The following CFAP52 variants were observed in gnomAD, a reference collection of about 807,000 sequenced individuals.
CFAP52 encodes the protein cilia- and flagella-associated protein 52.
A neutral mutation model predicts 70.5 loss-of-function variants in CFAP52; 57 were observed. The observed-to-expected ratio is 0.81, with a 90% CI of 0.65 to 1.01. The LOEUF (loss-of-function observed/expected upper bound fraction) is 1.01. Ranked by LOEUF, CFAP52 falls within the 50% of genes least tolerant of loss-of-function variation. The pLI is 0.00. For missense variants in CFAP52, 785 were observed against 788.5 expected (o/e 1.00, Z 0.05); for synonymous variants, 267 against 292.5 (o/e 0.91, Z 0.89).
chr17:9,616,286 C>A (rs2151943965), intron 8 of CFAP52, among the ~76,000 whole-genome samples: 1 of 139,692 alleles, frequency 7.2e-6, no homozygotes, highest in African/African-American at 2.8e-5. Context: ...TTGCGCTTTT[C>A]AGACCGGCTT....
At chr17:9,583,248 C>T (rs1218569697) in intron 1 of CFAP52, among the ~76,000 whole-genome samples, 2 of 151,858 alleles carry the variant, frequency 1.3e-5, no homozygotes, top group Non-Finnish European at 2.9e-5. Flanking sequence ...TAAGAACATA[C>T]TGCATAAAAA....
chr17:9,626,189 C>A (rs914528727), intron 8 of CFAP52, among the ~76,000 whole-genome samples: 2 of 152,136 alleles, frequency 1.3e-5, no homozygotes, highest in African/African-American at 4.8e-5. Flanking sequence ...GGCTTGACTG[C>A]CAAGGAAGTG....
chr17:9,638,046 G>T (rs749684645), intron 11 of CFAP52, among the ~76,000 whole-genome samples: 11 of 152,188 alleles, frequency 7.2e-5, no homozygotes, highest in South Asian at 2.1e-4. Context: ...ATCCCCACGT[G>T]ACAGGCTCGT....
intron 3 of CFAP52, among the ~76,000 whole-genome samples, chr17:9,591,788 G>A (rs1453347804): frequency 6.6e-6 from 1 of 151,918 alleles, no homozygotes; most frequent in Non-Finnish European, 1.5e-5. Context: ...TGAAGTGGGA[G>A]GATTGCTTGA....
chr17:9,606,117 T>C (rs1909480238), intron 6 of CFAP52, among the ~76,000 whole-genome samples: 1 of 152,116 alleles, frequency 6.6e-6, no homozygotes, highest in Admixed American at 6.5e-5. Flanking sequence ...GCAAGGTGGA[T>C]CATGCCTGTA....
intron 7 of CFAP52, among the ~76,000 whole-genome samples, chr17:9,611,495 T>C (rs1357343261): frequency 6.6e-6 from 1 of 151,938 alleles, no homozygotes; most frequent in Non-Finnish European, 1.5e-5. Context: ...GCTGGGACTA[T>C]AGGTGCGCAC....
At chr17:9,603,354 G>A (rs1046527972) in intron 6 of CFAP52, among the ~76,000 whole-genome samples, 3 of 152,068 alleles carry the variant, frequency 2.0e-5, no homozygotes, top group Non-Finnish European at 4.4e-5. Flanking sequence ...GACTACAGGC[G>A]CCTACCACCA....
Position 9,576,769 on chromosome 17 carries a change from A to T in CFAP52, c.70+4A>T. On this transcript the variant is annotated splice_donor_region_variant and intron_variant, in intron 1 of 13. Transcript: ENST00000352665. ...GACGCCGTGATCGGCTTCAATGGTG[A>T]GGCCTCCAGCATCTTTGGGCTGGCT... The T allele has an allele frequency of 6.2e-7, 1 of 1,610,902 alleles. No homozygotes were observed. The highest frequency in any genetic ancestry group is 8.5e-7 in the Non-Finnish European group (1 of 1,178,620).
chr17:9,589,362 A>G (rs1210859572), intron 3 of CFAP52, among the ~76,000 whole-genome samples: 1 of 152,204 alleles, frequency 6.6e-6, no homozygotes, highest in Non-Finnish European at 1.5e-5. Context: ...CAAAATTTTC[A>G]TGAGATTTCC....
intron 10 of CFAP52, among the ~76,000 whole-genome samples, chr17:9,634,382 C>T (rs1268668725): frequency 6.6e-6 from 1 of 152,178 alleles, no homozygotes; most frequent in Non-Finnish European, 1.5e-5. Flanking sequence ...TGGTGGCTCA[C>T]GCCTGTAATC....
chr17:9,605,312 G>A (rs769927424), intron 6 of CFAP52, among the ~76,000 whole-genome samples: 10 of 152,106 alleles, frequency 6.6e-5, no homozygotes, highest in Non-Finnish European at 1.5e-4. Context: ...AGGAAAAGAA[G>A]GAAACTGAGA....
Position 9,635,566 on chromosome 17 carries a change from T to C in CFAP52, c.1472+10T>C. 6.2e-7 allele frequency: 1 copy of C among 1,614,088 alleles called. No homozygotes were observed. Among genetic ancestry groups the C allele is most frequent in the Non-Finnish European group, 8.5e-7 (1 of 1,179,992 alleles). On this transcript the variant is annotated intron_variant, in intron 11 of 13. Coordinates refer to ENST00000352665, the MANE Select transcript of CFAP52 (RefSeq NM_145054.5). The stretch of plus-strand genomic sequence containing the variant: ...TCATTTGGGACCTTGTGTAGGTACC[T>C]GTGATGGGGAGGATGCAGTGATACC...
At chr17:9,578,489 T>C (rs1454996099) in intron 1 of CFAP52, among the ~76,000 whole-genome samples, 1 of 152,222 alleles carries the variant, frequency 6.6e-6, no homozygotes, top group Non-Finnish European at 1.5e-5. Flanking sequence ...TCATATTGCT[T>C]ATCTCAAGAT....
At chr17:9,592,611 A>C (rs1418771186) in intron 3 of CFAP52, among the ~76,000 whole-genome samples, 1 of 152,254 alleles carries the variant, frequency 6.6e-6, no homozygotes, top group Non-Finnish European at 1.5e-5. Context: ...AAGTAGAATC[A>C]TACAATATGT....
rs762360430 is a variant in CFAP52 at position 9,598,263 on chromosome 17, T to C, written c.566T>C (p.Leu189Pro). 6.2e-7 allele frequency: 1 copy of C among 1,613,176 alleles called. No homozygotes were observed. Among genetic ancestry groups the C allele is most frequent in the Admixed American group, 1.7e-5 (1 of 59,994 alleles). The part of the protein sequence containing the change: ...NGTIRVWELD[L>P]PNRKIWPTEC... ...ACAATTCGAGTATGGGAATTGGATCTTCCAAATAGAAAAATCTGGCCAACT... is the reference window on the plus strand; with the variant it reads ...ACAATTCGAGTATGGGAATTGGATCCTCCAAATAGAAAAATCTGGCCAACT... The change falls in exon 5 of 14, where the codon CTT becomes CCT. Residue 189 changes from leucine to proline, a missense_variant. Transcript: ENST00000352665.
chr17:9,615,481 A>G (rs957647139), intron 8 of CFAP52, among the ~76,000 whole-genome samples: 1 of 151,720 alleles, frequency 6.6e-6, no homozygotes, highest in Non-Finnish European at 1.5e-5. Flanking sequence ...AAGTTTATAT[A>G]TTTTTCTGTT....
Position 9,594,228 on chromosome 17 carries a change from T to C in CFAP52, c.443T>C (p.Ile148Thr). 1 of 1,613,816 alleles carries C rather than the reference T, an allele frequency of 6.2e-7. No homozygotes were observed. Among genetic ancestry groups the C allele is most frequent in the Non-Finnish European group, 8.5e-7 (1 of 1,179,906 alleles). ...TGGAGCATAGCCAAGAGAGATGCCATCTGTGGCAGCCCTGCAGCCGGCCTC... is the reference window on the plus strand; with the variant it reads ...TGGAGCATAGCCAAGAGAGATGCCACCTGTGGCAGCCCTGCAGCCGGCCTC... ...VVWSIAKRDA[I>T]CGSPAAGLNV... Residue 148 changes from isoleucine (I) to threonine (T), a missense_variant, in exon 4 of 14, where the codon ATC becomes ACC. Physicochemically the swap from Ile to Thr is moderately conservative, Grantham distance 89. Coordinates refer to ENST00000352665, the MANE Select transcript of CFAP52 (RefSeq NM_145054.5).
chr17:9,585,694 G>A (rs1429450692), intron 1 of CFAP52, 79 bp from the exon 2 acceptor site: 4 of 1,340,504 alleles, frequency 3.0e-6, no homozygotes, highest in Non-Finnish European at 4.2e-6. Flanking sequence ...CACACAAAGT[G>A]TTGTGTTTTG....
intron 13 of CFAP52, among the ~76,000 whole-genome samples, chr17:9,642,315 T>A (rs545489258): frequency 3.9e-5 from 6 of 152,328 alleles, no homozygotes; most frequent in Admixed American, 3.9e-4. Flanking sequence ...AGCTCTTTGA[T>A]TCATCAGGAT....
Sources: allele counts gnomAD v4.1 joint callset (sites outside exome capture counted in the v4.1 genomes callset), GRCh38; gene constraint gnomAD v4.1.1; transcripts MANE v1.5; gene names NCBI Gene and HGNC (gene_info 2026-07-23, HGNC 2026-07-21).